Variants in CBLN4 observed in about 807,000 individuals in gnomAD.
CBLN4 encodes the protein cerebellin 4 precursor, also known as cerebellin-4.
Under a neutral mutation model 14.9 loss-of-function variants are expected in CBLN4, and 7 were observed. That is an observed-to-expected ratio of 0.47 (90% confidence interval 0.27 to 0.88). CBLN4 has a LOEUF of 0.88. Among genes scored for constraint, CBLN4 ranks in the 40% least tolerant of loss-of-function variants. The pLI is 0.14. For synonymous variants in CBLN4, 131 were observed against 116.5 expected, an observed-to-expected ratio of 1.12 and a Z score of -0.80; for missense variants, 188 against 256.8, an observed-to-expected ratio of 0.73 and a Z score of 1.83.
In CBLN4 at chr20:56,004,163, G is replaced by GGAGCCCATGGT. The variant is rs1568834870; in HGVS notation, c.-3_8dup (p.Gly4ProfsTer87). On this transcript the variant is annotated frameshift_variant, in exon 1 of 3. Coordinates refer to ENST00000064571, the MANE Select transcript of CBLN4 (RefSeq NM_080617.6). LOFTEE classifies it high-confidence loss of function. This position sits in a 1 kb window ranked among gnomAD's most constrained non-coding sequence, Gnocchi z 6.1. ...GCACCGCGGACAGCGCCCGGCGCCCGGAGCCCATGGTGAGCCGTGTGGGCA... is the reference window on the plus strand; with the variant it reads ...GCACCGCGGACAGCGCCCGGCGCCCGGAGCCCATGGTGAGCCCATGGTGAGCCGTGTGGGCA... The GGAGCCCATGGT allele has an allele frequency of 6.5e-7, 1 of 1,529,704 alleles. No homozygotes were observed. Among genetic ancestry groups the GGAGCCCATGGT allele is most frequent in the Non-Finnish European group, 8.7e-7 (1 of 1,142,936 alleles). 94.8% of individuals were successfully genotyped at this position (1,529,704 alleles called of 1,614,324 possible).
intron 2 of CBLN4, among the ~76,000 whole-genome samples, chr20:56,000,025 G>T (rs948961550): frequency 3.9e-5 from 6 of 152,110 alleles, no homozygotes; most frequent in Admixed American, 6.5e-5. Flanking sequence ...AAGATAAAAG[G>T]TTATCTTAGA....
chr20:56,002,059 T>C (rs189117327), intron 1 of CBLN4, among the ~76,000 whole-genome samples: 1 of 152,310 alleles, frequency 6.6e-6, no homozygotes, highest in East Asian at 1.9e-4. Context: ...TGCAAGCCTC[T>C]TGCATAATTC....
Position 56,004,124 on chromosome 20 carries a change from C to G in CBLN4, c.48G>C (p.Leu16=). 1 of 1,594,466 alleles carries G rather than the reference C, an allele frequency of 6.3e-7. No homozygotes were observed. Among genetic ancestry groups the G allele is most frequent in the Non-Finnish European group, 8.5e-7 (1 of 1,172,836 alleles). Residue 16 remains leucine (L), a synonymous_variant, in exon 1 of 3, where the codon CTG becomes CTC. Transcript: ENST00000064571. This position sits in a 1 kb window ranked among gnomAD's most constrained non-coding sequence, Gnocchi z 6.1. ...CGGGCAGCCCCGGCAGCGTGAGGAC[C>G]AGCAGCACGGCCGGCACCGCGGACA... ...RALSAVPAVL[L]VLTLPGLPVW...
chr20:55,999,795 T>C (rs1986339929), intron 2 of CBLN4, among the ~76,000 whole-genome samples: 2 of 152,208 alleles, frequency 1.3e-5, no homozygotes, highest in South Asian at 2.1e-4. Context: ...GATTACACTG[T>C]GTCAAGCATT....
intron 2 of CBLN4, 123 bp from the exon 3 acceptor site, chr20:55,998,877 T>C (rs1450026920): frequency 5.2e-5 from 38 of 727,528 alleles, no homozygotes; most frequent in Non-Finnish European, 6.8e-5. Context: ...GGAAATATAT[T>C]CCCTTCCTTT....
rs1238019171 is a variant in CBLN4, at chr20:56,004,258, T to A, written c.-87A>T. ...CCCGGGATCCCGGTGCTCGGGAAGA[T>A]GCTAGCGGCTAGGTCGACAGCGCTG... On this transcript the variant is annotated 5_prime_UTR_variant, in exon 1 of 3. Coordinates refer to ENST00000064571, the MANE Select transcript of CBLN4 (RefSeq NM_080617.6). The surrounding 1 kb of genome is among the most constrained non-coding windows in gnomAD (Gnocchi z 6.1). 1.5e-6 allele frequency: 2 copies of A among 1,306,884 alleles called. No homozygotes were observed. Among genetic ancestry groups the A allele is most frequent in the African/African-American group, 3.1e-5 (2 of 63,596 alleles). 81.0% of individuals were successfully genotyped at this position (1,306,884 alleles called of 1,614,324 possible). A position where few individuals can be genotyped will look rare whatever the true frequency, so the allele number is the denominator to read the frequency against.
Position 55,998,358 on chromosome 20 carries a change from A to G in CBLN4, c.*199T>C, listed in dbSNP as rs1191926200. 2 of 607,574 alleles carry G rather than the reference A, an allele frequency of 3.3e-6. No individual in the cohort carries two copies. The highest frequency in any genetic ancestry group is 5.7e-6 in the Non-Finnish European group (2 of 349,194). 37.6% of individuals were successfully genotyped at this position (607,574 alleles called of 1,614,324 possible). On this transcript the variant is annotated 3_prime_UTR_variant, in exon 3 of 3. Coordinates refer to ENST00000064571, the MANE Select transcript of CBLN4 (RefSeq NM_080617.6). ...TAGGTATTATCTGCTTAGAGTCCCA[A>G]TCCAAATATACTGAAACAGACACAC...
chr20:56,003,959 G>C lies in CBLN4; in HGVS notation c.213C>G (p.Val71=). 1 of 1,613,956 alleles carries C rather than the reference G, an allele frequency of 6.2e-7. No individual in the cohort carries two copies. Among genetic ancestry groups the C allele is most frequent in the South Asian group, 1.1e-5 (1 of 91,042 alleles). The change falls in exon 1 of 3, where the codon GTC becomes GTG. Residue 71 remains valine, a synonymous_variant. Transcript: ENST00000064571. ...TGGTGCTCCGCACCGCCGAGAAGGC[G>C]ACCTTGGAGTTGGCCGCCCGGACCG... ...GISVRAANSK[V]AFSAVRSTNH...
At chr20:56,001,584 A>G (rs1397162093) in intron 1 of CBLN4, among the ~76,000 whole-genome samples, 1 of 152,166 alleles carries the variant, frequency 6.6e-6, no homozygotes, top group Non-Finnish European at 1.5e-5. Flanking sequence ...TGGGCTGCCA[A>G]AGAGGAGAGC....
chr20:56,001,016 C>G (rs769540117), intron 1 of CBLN4, among the ~76,000 whole-genome samples, 169 bp from the exon 2 acceptor site: 1 of 151,480 alleles, frequency 6.6e-6, no homozygotes, highest in Non-Finnish European at 1.5e-5. Flanking sequence ...TTCATTCATT[C>G]TTGGCAACTA....
intron 2 of CBLN4, among the ~76,000 whole-genome samples, chr20:55,999,228 A>G (rs1208344206): frequency 6.6e-6 from 1 of 152,150 alleles, no homozygotes; most frequent in Non-Finnish European, 1.5e-5. Flanking sequence ...CATGCATACT[A>G]CTGAAAATCA....
chr20:56,004,285 A>C lies in CBLN4; in HGVS notation c.-114T>G. The C allele has an allele frequency of 9.0e-7, 1 of 1,115,078 alleles. No individual in the cohort carries two copies. The highest frequency in any genetic ancestry group is 2.0e-5 in the South Asian group (1 of 50,166). 69.1% of individuals were successfully genotyped at this position (1,115,078 alleles called of 1,614,324 possible). A position where few individuals can be genotyped will look rare whatever the true frequency, so the allele number is the denominator to read the frequency against. ...CTAGCGGCTAGGTCGACAGCGCTGCAGGAGCGACGGCGGCGGCGGCGCGCA... is the reference window on the plus strand; with the variant it reads ...CTAGCGGCTAGGTCGACAGCGCTGCCGGAGCGACGGCGGCGGCGGCGCGCA... On this transcript the variant is annotated 5_prime_UTR_variant, in exon 1 of 3. Coordinates refer to ENST00000064571, the MANE Select transcript of CBLN4 (RefSeq NM_080617.6). This position sits in a 1 kb window ranked among gnomAD's most constrained non-coding sequence, Gnocchi z 6.1.
chr20:56,004,034 C>T lies in CBLN4; in HGVS notation c.138G>A (p.Ser46=). The change falls in exon 1 of 3, where the codon TCG becomes TCA. Residue 46 remains serine (S), a synonymous_variant. Coordinates refer to ENST00000064571, the MANE Select transcript of CBLN4 (RefSeq NM_080617.6). The surrounding 1 kb of genome is among the most constrained non-coding windows in gnomAD (Gnocchi z 6.1). ...AGCCCTTGGAGTCCGTGGCCGGGTT[C>T]GAGTCGCACACCACCAGACACTTGC... The part of the protein sequence containing the change: ...LEGKCLVVCD[S]NPATDSKGSS... 6.2e-7 allele frequency: 1 copy of T among 1,614,018 alleles called. No homozygotes were observed. The highest frequency in any genetic ancestry group is 8.5e-7 in the Non-Finnish European group (1 of 1,179,992).
chr20:55,999,811 C>T (rs995841722), intron 2 of CBLN4, among the ~76,000 whole-genome samples: 3 of 152,112 alleles, frequency 2.0e-5, no homozygotes, highest in African/African-American at 7.2e-5. Flanking sequence ...GCATTGCATA[C>T]ATTTCTAAAT....
Position 56,000,722 on chromosome 20 carries a change from AAC to A in CBLN4, c.408+7_408+8del, listed in dbSNP as rs770491484. 6.7e-7 allele frequency: 1 copy of A among 1,488,704 alleles called. No homozygotes were observed. Among genetic ancestry groups the A allele is most frequent in the Non-Finnish European group, 9.1e-7 (1 of 1,094,336 alleles). 92.2% of individuals were successfully genotyped at this position (1,488,704 alleles called of 1,614,324 possible). A position where few individuals can be genotyped will look rare whatever the true frequency, so the allele number is the denominator to read the frequency against. ...TGAGAGTATGGATGGAAGAGGTCAA[AAC>A]ACACACCTGGATAGTTTGGCTCTGG... On this transcript the variant is annotated splice_region_variant and intron_variant, in intron 2 of 2. Coordinates refer to ENST00000064571, the MANE Select transcript of CBLN4 (RefSeq NM_080617.6).
rs1986434119 is a variant in CBLN4, at chr20:56,004,603, A to C, written c.-432T>G. On this transcript the variant is annotated 5_prime_UTR_variant, in exon 1 of 3. Coordinates refer to ENST00000064571, the MANE Select transcript of CBLN4 (RefSeq NM_080617.6). This position sits in a 1 kb window ranked among gnomAD's most constrained non-coding sequence, Gnocchi z 6.1. ...GAGCAGGAACAAAAAGAGGGGACTC[A>C]AAGAGAAGCCACAAGGGTGGCGGGT... The C allele has an allele frequency of 6.3e-6, 1 of 159,082 alleles. No individual in the cohort carries two copies. Among genetic ancestry groups the C allele is most frequent in the Non-Finnish European group, 1.4e-5 (1 of 73,102 alleles). 9.9% of individuals were successfully genotyped at this position (159,082 alleles called of 1,614,324 possible). A position where few individuals can be genotyped will look rare whatever the true frequency, so the allele number is the denominator to read the frequency against.
At position 56,005,436 on chromosome 20, in the gene CBLN4, C is replaced by A. The variant is rs975147963; in HGVS notation, c.-1265G>T. On this transcript the variant is annotated 5_prime_UTR_variant, in exon 1 of 3. Coordinates refer to ENST00000064571, the MANE Select transcript of CBLN4 (RefSeq NM_080617.6). Reference sequence around the variant, plus strand: ...GCGCTGCCCCGAACCTGGGGACCGGCGGGCGTCCCGACCGCGCCTGGCCGG... The same window carrying A: ...GCGCTGCCCCGAACCTGGGGACCGGAGGGCGTCCCGACCGCGCCTGGCCGG... 1 of 152,130 alleles carries A rather than the reference C, an allele frequency of 6.6e-6. No individual in the cohort carries two copies. Among genetic ancestry groups the A allele is most frequent in the Non-Finnish European group, 1.5e-5 (1 of 68,022 alleles). 9.4% of individuals were successfully genotyped at this position (152,130 alleles called of 1,614,324 possible). A position where few individuals can be genotyped will look rare whatever the true frequency, so the allele number is the denominator to read the frequency against.
rs143581593 is a variant in CBLN4, at chr20:55,997,408, T to C, written c.*1149A>G. 352 of 152,686 alleles carry C rather than the reference T, an allele frequency of 2.3e-3. No individual in the cohort carries two copies. The highest frequency in any genetic ancestry group is 3.7e-3 in the Non-Finnish European group (253 of 68,014). The allele number at this position is 152,686 out of a possible 1,614,324, so 9.5% of individuals were successfully genotyped here. On this transcript the variant is annotated 3_prime_UTR_variant, in exon 3 of 3. Coordinates refer to ENST00000064571, the MANE Select transcript of CBLN4 (RefSeq NM_080617.6). Reference sequence around the variant, plus strand: ...GGAAATAAATAATGTAGAATACATATTTCCAAAACGGAAAGAAAAAAACAA... The same window carrying C: ...GGAAATAAATAATGTAGAATACATACTTCCAAAACGGAAAGAAAAAAACAA...
At position 56,004,407 on chromosome 20, in the gene CBLN4, CTT is replaced by C; in HGVS notation, c.-238_-237del. On this transcript the variant is annotated 5_prime_UTR_variant, in exon 1 of 3. It removes the in-frame stop codon of an upstream open reading frame in the 5' UTR. Transcript: ENST00000064571. The surrounding 1 kb of genome is among the most constrained non-coding windows in gnomAD (Gnocchi z 6.1). ...TCCTTTAAGGAGCTCATGCAGCACC[CTT>C]TACCCTACTCTCCTCCGCCCAAGAA... The C allele has an allele frequency of 2.2e-6, 1 of 456,240 alleles. No homozygotes were observed. Among genetic ancestry groups the C allele is most frequent in the Non-Finnish European group, 3.8e-6 (1 of 264,454 alleles). 28.3% of individuals were successfully genotyped at this position (456,240 alleles called of 1,614,324 possible).
Sources: allele counts gnomAD v4.1 joint callset (sites outside exome capture counted in the v4.1 genomes callset), GRCh38; gene constraint gnomAD v4.1.1; non-coding constraint Gnocchi (gnomAD v3.1); transcripts MANE v1.5; gene names NCBI Gene and HGNC (gene_info 2026-07-23, HGNC 2026-07-21).